Variants in PTPN13 observed in about 807,000 individuals in gnomAD.
The protein encoded by PTPN13 is protein tyrosine phosphatase non-receptor type 13, also known as tyrosine-protein phosphatase non-receptor type 13.
Under a neutral mutation model 284.0 loss-of-function variants are expected in PTPN13, and 191 were observed. The ratio of observed to expected loss-of-function variants is 0.67; its 90% CI spans 0.60 to 0.76. The LOEUF is 0.76. Among genes scored for constraint, PTPN13 ranks in the 30% least tolerant of loss-of-function variants. PTPN13 has a pLI of 0.00. For missense variants in PTPN13, 2,797 were observed against 2,939.9 expected (o/e 0.95, Z 1.12); for synonymous variants, 986 against 1,022.3 (o/e 0.96, Z 0.68).
At chr4:86,659,841 GAA>G in intron 2 of PTPN13, among the ~76,000 whole-genome samples, 1 of 125,402 alleles carries the variant, frequency 8.0e-6, no homozygotes, top group African/African-American at 2.9e-5. Context: ...AACAACAACA[GAA>G]AAAAAAAAAA....
At chr4:86,689,430 T>C (rs1207003463) in intron 5 of PTPN13, among the ~76,000 whole-genome samples, 1 of 152,206 alleles carries the variant, frequency 6.6e-6, no homozygotes, top group African/African-American at 2.4e-5. Context: ...AATGATAGCA[T>C]GTTTGAGCTG....
intron 31 of PTPN13, 87 bp downstream of exon 31, chr4:86,771,622 A>G (rs1740008841): frequency 7.4e-7 from 1 of 1,352,830 alleles, no homozygotes; most frequent in Non-Finnish European, 1.0e-6. Flanking sequence ...TAAGAATGAA[A>G]TGTATGTATC....
At chr4:86,674,526 T>C (rs764588050) in intron 3 of PTPN13, among the ~76,000 whole-genome samples, 5 of 152,192 alleles carry the variant, frequency 3.3e-5, no homozygotes, top group African/African-American at 4.8e-5. Context: ...GAGCCATCAA[T>C]TATGTATCTG....
At position 86,716,636 on chromosome 4, in the gene PTPN13, T is replaced by C; in HGVS notation, c.1291+11T>C. On this transcript the variant is annotated intron_variant, in intron 8 of 47. Coordinates refer to ENST00000411767, the MANE Select transcript of PTPN13 (RefSeq NM_080683.3). ...CAGATTTCAGACAAGGTAGGAGGCA[T>C]CTGAAACAAGCAAACTGTTTTTAAG... 2.0e-6 allele frequency: 3 copies of C among 1,515,140 alleles called. No individual in the cohort carries two copies. The highest frequency in any genetic ancestry group is 2.7e-6 in the Non-Finnish European group (3 of 1,113,644). The allele number at this position is 1,515,140 out of a possible 1,614,324, so 93.9% of individuals were successfully genotyped here. A position where few individuals can be genotyped will look rare whatever the true frequency, so the allele number is the denominator to read the frequency against.
At chr4:86,731,702 G>A (rs184722834) in intron 10 of PTPN13, among the ~76,000 whole-genome samples, 2 of 152,212 alleles carry the variant, frequency 1.3e-5, no homozygotes, top group African/African-American at 2.4e-5. Context: ...GGAGTGTAGT[G>A]GTGTGATTAT....
chr4:86,729,308 A>G (rs1734679071), intron 10 of PTPN13, among the ~76,000 whole-genome samples: 1 of 149,046 alleles, frequency 6.7e-6, no homozygotes, highest in Non-Finnish European at 1.5e-5. Flanking sequence ...GAATCTGACA[A>G]TTATGTGTCT....
chr4:86,723,480 G>A (rs1733895390), intron 10 of PTPN13, among the ~76,000 whole-genome samples: 1 of 152,210 alleles, frequency 6.6e-6, no homozygotes, highest in Admixed American at 6.5e-5. Context: ...CTACCTGTCT[G>A]TGGAAAAATT....
At chr4:86,677,835 T>G (rs1223388313) in intron 3 of PTPN13, among the ~76,000 whole-genome samples, 1 of 152,204 alleles carries the variant, frequency 6.6e-6, no homozygotes, top group Non-Finnish European at 1.5e-5. Flanking sequence ...CATTTCCATC[T>G]TATTAGTTTT....
At chr4:86,802,175 G>A (rs1744110713) in intron 42 of PTPN13, among the ~76,000 whole-genome samples, 1 of 151,620 alleles carries the variant, frequency 6.6e-6, no homozygotes, top group African/African-American at 2.4e-5. Flanking sequence ...GTGTGTGTGT[G>A]TGTGGTGTGT....
chr4:86,810,850 A>G (rs1198535095), intron 46 of PTPN13, among the ~76,000 whole-genome samples, 196 bp from the exon 47 acceptor site: 1 of 152,242 alleles, frequency 6.6e-6, no homozygotes, highest in African/African-American at 2.4e-5. Flanking sequence ...ATTCCTAGAA[A>G]GATAAAAAAT....
chr4:86,779,817 G>T (rs1279668414), intron 35 of PTPN13, among the ~76,000 whole-genome samples: 2 of 151,988 alleles, frequency 1.3e-5, no homozygotes, highest in Non-Finnish European at 2.9e-5. Flanking sequence ...TGGCTGTTTT[G>T]TACTTTGGGT....
intron 33 of PTPN13, 83 bp from the exon 34 acceptor site, chr4:86,775,088 G>A: frequency 2.1e-6 from 2 of 941,432 alleles, no homozygotes; most frequent in Non-Finnish European, 3.1e-6. Context: ...TATAAATTAG[G>A]AGGATTATTG....
At chr4:86,813,341 C>A (rs1578742763) in intron 47 of PTPN13, among the ~76,000 whole-genome samples, 1 of 152,156 alleles carries the variant, frequency 6.6e-6, no homozygotes, top group Non-Finnish European at 1.5e-5. Context: ...GATCTCTGCA[C>A]CATCAACTTA....
intron 2 of PTPN13, among the ~76,000 whole-genome samples, chr4:86,647,937 C>T (rs1214297181): frequency 6.6e-6 from 1 of 151,926 alleles, no homozygotes; most frequent in South Asian, 2.1e-4. Flanking sequence ...TAACTTAAAC[C>T]GTCCATTCTG....
intron 3 of PTPN13, among the ~76,000 whole-genome samples, chr4:86,685,205 C>A (rs1285632629): frequency 1.3e-5 from 2 of 152,122 alleles, no homozygotes; most frequent in Non-Finnish European, 2.9e-5. Flanking sequence ...ACAAAGCAAA[C>A]AACCTAAAGA....
intron 19 of PTPN13, among the ~76,000 whole-genome samples, chr4:86,751,413 C>G (rs1160277190): frequency 6.6e-6 from 1 of 152,172 alleles, no homozygotes; most frequent in East Asian, 1.9e-4. Context: ...CTGCAAACTC[C>G]TGGGCCCAAG....
chr4:86,642,446 C>CTTTTTTTTTTTTTTTTTTTTTT (rs769131305), intron 2 of PTPN13, among the ~76,000 whole-genome samples: 1 of 63,568 alleles, frequency 1.6e-5, no homozygotes, highest in African/African-American at 6.0e-5. Flanking sequence ...TCTTCTTCTT[C>CTTTTTTTTTTTTTTTTTTTTTT]TTCTTTTTTT....
At chr4:86,771,669 A>G (rs1740017128) in intron 31 of PTPN13, 134 bp downstream of exon 31, 1 of 975,006 alleles carries the variant, frequency 1.0e-6, no homozygotes, top group Admixed American at 2.9e-5. Flanking sequence ...GGATGACTCT[A>G]TTGGATGTCT....
At chr4:86,602,660 T>C (rs1045982343) in intron 1 of PTPN13, among the ~76,000 whole-genome samples, 1 of 152,004 alleles carries the variant, frequency 6.6e-6, no homozygotes, top group Non-Finnish European at 1.5e-5. Context: ...GAAATGAATG[T>C]CATCCTTTTC....
Sources: allele counts gnomAD v4.1 joint callset (sites outside exome capture counted in the v4.1 genomes callset), GRCh38; gene constraint gnomAD v4.1.1; transcripts MANE v1.5; gene names NCBI Gene and HGNC (gene_info 2026-07-23, HGNC 2026-07-21).